The following RERG variants were observed in gnomAD, a reference collection of about 807,000 sequenced individuals.
RERG encodes ras-related and estrogen-regulated growth inhibitor.
A neutral mutation model predicts 23.2 loss-of-function variants in RERG; 25 were observed. The observed-to-expected ratio is 1.08, with a 90% CI of 0.79 to 1.50. RERG has a LOEUF of 1.50. Among genes scored for constraint, RERG ranks in the 40% most tolerant of loss-of-function variants. The probability of loss-of-function intolerance (pLI) is 0.00; values close to 1 mark genes in which losing one functional copy is unlikely to be tolerated. For synonymous variants in RERG, 81 were observed against 89.1 expected, an observed-to-expected ratio of 0.91 and a Z score of 0.51; for missense variants, 253 against 250.1, an observed-to-expected ratio of 1.01 and a Z score of -0.08.
At chr12:15,119,601 C>T (rs1863795869) in intron 3 of RERG, among the ~76,000 whole-genome samples, 8 of 151,872 alleles carry the variant, frequency 5.3e-5, no homozygotes, top group Admixed American at 3.9e-4. Context: ...TTTAAAAAAT[C>T]GGGTGCATTT....
intron 2 of RERG, among the ~76,000 whole-genome samples, chr12:15,208,566 C>T (rs1865324305): frequency 6.6e-6 from 1 of 152,076 alleles, no homozygotes; most frequent in South Asian, 2.1e-4. Context: ...TGAACAGAAA[C>T]AGCTACTGCT....
chr12:15,181,612 G>C (rs1470890622), intron 2 of RERG, among the ~76,000 whole-genome samples: 2 of 152,182 alleles, frequency 1.3e-5, no homozygotes, highest in East Asian at 3.8e-4. Context: ...TCATAGGATT[G>C]TTATGAGAAT....
At chr12:15,171,193 A>G (rs1159314038) in intron 2 of RERG, among the ~76,000 whole-genome samples, 1 of 152,208 alleles carries the variant, frequency 6.6e-6, no homozygotes, top group East Asian at 1.9e-4. Context: ...TGGCGGTCAG[A>G]GCTGGTGTTG....
chr12:15,151,734 C>A (rs1864446550), intron 2 of RERG, among the ~76,000 whole-genome samples: 1 of 152,164 alleles, frequency 6.6e-6, no homozygotes, highest in African/African-American at 2.4e-5. Flanking sequence ...AGATTGGACA[C>A]CCCCTAACTC....
intron 2 of RERG, chr12:15,155,408 A>T (rs1468462375): frequency 1.3e-5 from 2 of 152,244 alleles, no homozygotes. Context: ...CTGTGTTTCC[A>T]CAGGAAAATG....
chr12:15,166,958 G>T (rs1864704142), intron 2 of RERG, among the ~76,000 whole-genome samples: 1 of 152,016 alleles, frequency 6.6e-6, no homozygotes, highest in African/African-American at 2.4e-5. Flanking sequence ...CTGACCCTAA[G>T]ATTCAGTTTT....
At chr12:15,190,576 A>C (rs143338314) in intron 2 of RERG, among the ~76,000 whole-genome samples, 1 of 152,268 alleles carries the variant, frequency 6.6e-6, no homozygotes, top group Non-Finnish European at 1.5e-5. Flanking sequence ...GTTCTGATAG[A>C]GCCAAAGAGA....
intron 2 of RERG, among the ~76,000 whole-genome samples, chr12:15,170,211 T>C (rs1263579136): frequency 1.3e-5 from 2 of 152,098 alleles, no homozygotes; most frequent in Non-Finnish European, 2.9e-5. Context: ...TTAAAATAAA[T>C]ATTAGAAGAG....
intron 2 of RERG, among the ~76,000 whole-genome samples, chr12:15,136,083 T>G (rs1239661630): frequency 2.0e-5 from 3 of 152,106 alleles, no homozygotes; most frequent in African/African-American, 7.2e-5. Flanking sequence ...AATAGGTATA[T>G]GCCTGTTCTC....
chr12:15,126,128 CATAT>C (rs67901734), intron 2 of RERG, among the ~76,000 whole-genome samples: 3 of 89,086 alleles, frequency 3.4e-5, no homozygotes, highest in Admixed American at 1.4e-4. Context: ...TTGTATATAC[CATAT>C]ATATATATAT....
chr12:15,190,222 C>G (rs555096983), intron 2 of RERG, among the ~76,000 whole-genome samples: 3 of 152,044 alleles, frequency 2.0e-5, no homozygotes, highest in Non-Finnish European at 4.4e-5. Flanking sequence ...CCAGGGGTGT[C>G]CAATCTTTTG....
intron 2 of RERG, among the ~76,000 whole-genome samples, chr12:15,189,478 T>C (rs557609769): frequency 2.6e-4 from 40 of 152,322 alleles, no homozygotes; most frequent in African/African-American, 9.1e-4. Flanking sequence ...TGAAATATTC[T>C]GGTTATTCTG....
chr12:15,165,516 C>T (rs1864674176), intron 2 of RERG, among the ~76,000 whole-genome samples: 1 of 152,208 alleles, frequency 6.6e-6, no homozygotes, highest in African/African-American at 2.4e-5. Flanking sequence ...ATTTCATGTA[C>T]TGCCTGCCCT....
chr12:15,112,661 A>T (rs941676028), intron 3 of RERG, among the ~76,000 whole-genome samples: 1 of 152,248 alleles, frequency 6.6e-6, no homozygotes, highest in African/African-American at 2.4e-5. Flanking sequence ...TAGGTTGAGG[A>T]ACTCTCCCAG....
At chr12:15,179,150 T>C (rs1238725098) in intron 2 of RERG, among the ~76,000 whole-genome samples, 2 of 152,148 alleles carry the variant, frequency 1.3e-5, no homozygotes, top group Admixed American at 6.6e-5. Flanking sequence ...TGTGTGTATA[T>C]GTGTGTAGCA....
Position 15,150,619 on chromosome 12 carries a change from C to A in RERG, c.62-29500G>T, listed in dbSNP as rs149402520. Among the ~76,000 whole-genome samples, 26 of 152,258 alleles carry A rather than the reference C, an allele frequency of 1.7e-4. No individual in the cohort carries two copies. In the East Asian group the frequency reaches 5.0e-3, roughly 29 times the overall value. ...GTTTTCTCCAAAAAACCTTGTGTGG[C>A]AGGGCCTTTATTTTACAAAGAAGGA... On this transcript the variant is annotated intron_variant, in intron 2 of 4. Transcript: ENST00000256953.
intron 2 of RERG, among the ~76,000 whole-genome samples, chr12:15,147,232 G>T (rs914092081): frequency 1.3e-5 from 2 of 152,176 alleles, no homozygotes; most frequent in African/African-American, 4.8e-5. Flanking sequence ...GCCTTGGTTT[G>T]CAGAATTATA....
At chr12:15,127,229 C>A (rs188915963) in intron 2 of RERG, among the ~76,000 whole-genome samples, 1 of 152,278 alleles carries the variant, frequency 6.6e-6, no homozygotes, top group East Asian at 1.9e-4. Flanking sequence ...AGAGATTAAG[C>A]CTTGTTCATC....
intron 2 of RERG, among the ~76,000 whole-genome samples, chr12:15,195,652 G>C (rs1396291646): frequency 6.6e-6 from 1 of 150,904 alleles, no homozygotes; most frequent in Non-Finnish European, 1.5e-5. Context: ...AATCCATTCA[G>C]CATCTATTCG....
Sources: gnomAD v4.1 joint callset for allele counts (sites outside exome capture counted in the v4.1 genomes callset) on GRCh38, gnomAD v4.1.1 for gene constraint, MANE v1.5 for transcripts, NCBI Gene and HGNC (gene_info 2026-07-23, HGNC 2026-07-21) for gene names.